The following ATP8A1 variants were observed in gnomAD, a reference collection of about 807,000 sequenced individuals.
ATP8A1 encodes the protein ATPase phospholipid transporting 8A1.
In ATP8A1, 90 loss-of-function variants were observed where a neutral mutation model predicts 177.7. The ratio of observed to expected loss-of-function variants is 0.51; its 90% CI spans 0.43 to 0.60. The LOEUF (loss-of-function observed/expected upper bound fraction) is 0.60, where lower values mean the gene tolerates loss of function less well. Among genes scored for constraint, ATP8A1 ranks in the 20% least tolerant of loss-of-function variants. ATP8A1 has a pLI of 0.00. For synonymous variants in ATP8A1, 493 were observed against 485.9 expected, an observed-to-expected ratio of 1.01 and a Z score of -0.19; for missense variants, 1,072 against 1,392.8, an observed-to-expected ratio of 0.77 and a Z score of 3.67.
chr4:42,424,704 T>G (rs946800739), intron 33 of ATP8A1, among the ~76,000 whole-genome samples: 4 of 152,258 alleles, frequency 2.6e-5, no homozygotes, highest in Non-Finnish European at 4.4e-5. Context: ...TTCAGATTAC[T>G]TATTCATTTG....
At chr4:42,520,494 C>T (rs1250126915) in intron 22 of ATP8A1, among the ~76,000 whole-genome samples, 1 of 151,842 alleles carries the variant, frequency 6.6e-6, no homozygotes, top group Admixed American at 6.6e-5. Flanking sequence ...TATTTTACTA[C>T]ATAAATGCCC....
chr4:42,446,952 G>A (rs1017834496), intron 30 of ATP8A1, among the ~76,000 whole-genome samples: 10 of 151,902 alleles, frequency 6.6e-5, no homozygotes, highest in Admixed American at 3.3e-4. Flanking sequence ...ATTCTGGATC[G>A]TAATAAAGAA....
intron 3 of ATP8A1, chr4:42,625,110 G>T (rs1737918976): frequency 6.6e-6 from 1 of 150,808 alleles, no homozygotes; most frequent in African/African-American, 2.4e-5. Flanking sequence ...TGTCTCTGAT[G>T]GTAGAATAAT....
intron 20 of ATP8A1, among the ~76,000 whole-genome samples, chr4:42,531,525 T>C (rs1727260742): frequency 6.6e-6 from 1 of 152,196 alleles, no homozygotes; most frequent in Admixed American, 6.5e-5. Flanking sequence ...GGAAGCCCTC[T>C]TTCTTCACAG....
chr4:42,625,894 G>T (rs936917682), intron 2 of ATP8A1, 181 bp from the exon 3 acceptor site: 17 of 414,204 alleles, frequency 4.1e-5, no homozygotes, highest in Non-Finnish European at 5.2e-5. Context: ...TTAAATAAAT[G>T]GTAAAGCATG....
At chr4:42,635,608 T>C (rs1739187361) in intron 1 of ATP8A1, among the ~76,000 whole-genome samples, 1 of 151,618 alleles carries the variant, frequency 6.6e-6, no homozygotes, top group African/African-American at 2.4e-5. Flanking sequence ...ACTACTAAGA[T>C]GGAATTATTA....
intron 12 of ATP8A1, 49 bp downstream of exon 12, chr4:42,578,211 A>G (rs992671784): frequency 1.7e-5 from 26 of 1,489,006 alleles, no homozygotes; most frequent in Non-Finnish European, 2.3e-5. Flanking sequence ...AAAATATCCT[A>G]AGGACAAAAT....
chr4:42,454,411 A>G (rs1326605983), intron 29 of ATP8A1, among the ~76,000 whole-genome samples: 1 of 152,224 alleles, frequency 6.6e-6, no homozygotes, highest in Non-Finnish European at 1.5e-5. Context: ...GTTACATCTA[A>G]TTATCAGTAA....
At chr4:42,524,676 T>G (rs1726495693) in intron 21 of ATP8A1, 87 bp downstream of exon 21, 1 of 795,408 alleles carries the variant, frequency 1.3e-6, no homozygotes, top group Non-Finnish European at 2.0e-6. Context: ...AATCTCTAAG[T>G]CTAATAATAA....
chr4:42,544,198 C>G (rs1050819192), intron 19 of ATP8A1, among the ~76,000 whole-genome samples: 2 of 152,156 alleles, frequency 1.3e-5, no homozygotes, highest in African/African-American at 4.8e-5. Flanking sequence ...AGGGTACCAT[C>G]TACTCTTCTA....
At chr4:42,597,619 A>G (rs1285554186) in intron 6 of ATP8A1, among the ~76,000 whole-genome samples, 1 of 152,230 alleles carries the variant, frequency 6.6e-6, no homozygotes, top group African/African-American at 2.4e-5. Context: ...GCCATAATTT[A>G]TAAAACTGTC....
intron 5 of ATP8A1, among the ~76,000 whole-genome samples, chr4:42,615,286 A>G (rs1736789833): frequency 6.6e-6 from 1 of 152,180 alleles, no homozygotes; most frequent in East Asian, 1.9e-4. Flanking sequence ...ACAGGACTCC[A>G]TAGAAATATC....
chr4:42,536,928 C>T (rs1345675184), intron 20 of ATP8A1, among the ~76,000 whole-genome samples: 3 of 151,970 alleles, frequency 2.0e-5, no homozygotes, highest in African/African-American at 7.3e-5. Flanking sequence ...GTCTGGAGTT[C>T]GAGACCAGCC....
intron 9 of ATP8A1, among the ~76,000 whole-genome samples, chr4:42,582,266 T>C (rs1007419175): frequency 3.9e-5 from 6 of 152,166 alleles, no homozygotes; most frequent in African/African-American, 9.7e-5. Flanking sequence ...TAAATTTCCA[T>C]CATTAAAGCC....
rs1358407222 is a variant in ATP8A1, at chr4:42,443,928, T to C, written c.3016-256A>G. Among the ~76,000 whole-genome samples, 3 of 152,326 alleles carry C rather than the reference T, an allele frequency of 2.0e-5. No individual in the cohort carries two copies. In the East Asian group the frequency reaches 5.8e-4, roughly 29 times the overall value. Reference sequence around the variant, plus strand: ...AGCTTTTTTGGTAGTTTTCTCCTCTTACGCTTACCTTTTTTACCCCTGAAC... The same window carrying C: ...AGCTTTTTTGGTAGTTTTCTCCTCTCACGCTTACCTTTTTTACCCCTGAAC... On this transcript the variant is annotated intron_variant, in intron 32 of 36. Transcript: ENST00000381668.
intron 5 of ATP8A1, 21 bp from the exon 6 acceptor site, chr4:42,600,539 A>G: frequency 6.2e-7 from 1 of 1,604,460 alleles, no homozygotes; most frequent in Non-Finnish European, 8.5e-7. Flanking sequence ...AAAAGGTGAC[A>G]TTTTAAACAA....
intron 22 of ATP8A1, among the ~76,000 whole-genome samples, chr4:42,516,427 C>T (rs1431797691): frequency 6.6e-6 from 1 of 152,118 alleles, no homozygotes. Context: ...ATCCACGCAT[C>T]ATAATAAGAG....
chr4:42,411,723 C>T lies in ATP8A1; in HGVS notation c.*1193G>A, dbSNP rs754887760. 17 of 152,052 alleles carry T rather than the reference C, an allele frequency of 1.1e-4. No homozygotes were observed. The highest frequency in any genetic ancestry group is 4.1e-4 in the African/African-American group (17 of 41,400). 9.4% of individuals were successfully genotyped at this position (152,052 alleles called of 1,614,324 possible). On this transcript the variant is annotated 3_prime_UTR_variant, in exon 37 of 37. Transcript: ENST00000381668. Reference sequence around the variant, plus strand: ...TAAAGTTACCGGCCTGAGTAAAATCCGCATTTTTTAAATGGGGAAAATGTA... The same window carrying T: ...TAAAGTTACCGGCCTGAGTAAAATCTGCATTTTTTAAATGGGGAAAATGTA...
chr4:42,607,076 A>C (rs1187214032), intron 5 of ATP8A1, among the ~76,000 whole-genome samples: 1 of 152,234 alleles, frequency 6.6e-6, no homozygotes, highest in Non-Finnish European at 1.5e-5. Flanking sequence ...AACTAAATAG[A>C]GTAACGCTTC....
Sources: gnomAD v4.1 joint callset for allele counts (sites outside exome capture counted in the v4.1 genomes callset) on GRCh38, gnomAD v4.1.1 for gene constraint, MANE v1.5 for transcripts, NCBI Gene and HGNC (gene_info 2026-07-23, HGNC 2026-07-21) for gene names.